The following CR1L variants were observed in gnomAD, a reference collection of about 807,000 sequenced individuals.
The protein encoded by CR1L is complement C3b/C4b receptor 1 like.
Under a neutral mutation model 62.3 loss-of-function variants are expected in CR1L, and 59 were observed. That is an observed-to-expected ratio of 0.95 (90% CI 0.77 to 1.18). CR1L has a LOEUF of 1.18. Ranked by LOEUF, CR1L falls within the 50% of genes most tolerant of loss-of-function variation. The pLI, the probability that CR1L is intolerant of heterozygous loss-of-function variation, is 0.00. For synonymous variants in CR1L, 279 were observed against 248.7 expected (o/e 1.12, Z -1.15); for missense variants, 700 against 702.8 (o/e 1.00, Z 0.04).
intron 1 of CR1L, among the ~76,000 whole-genome samples, chr1:207,648,451 T>C (rs1663170301): frequency 6.6e-6 from 1 of 152,158 alleles, no homozygotes; most frequent in Non-Finnish European, 1.5e-5. Flanking sequence ...AGAGAATACA[T>C]GAATTAAAAT....
intron 5 of CR1L, among the ~76,000 whole-genome samples, chr1:207,696,652 A>G (rs186116331): frequency 6.6e-6 from 1 of 152,346 alleles, no homozygotes; most frequent in African/African-American, 2.4e-5. Context: ...CCCCCATTTG[A>G]TGCTTGAGAA....
chr1:207,697,810 G>A lies in CR1L; in HGVS notation c.1079G>A (p.Gly360Asp), dbSNP rs116210807. 546 of 1,613,880 alleles carry A rather than the reference G, an allele frequency of 3.4e-4. 3 individuals are homozygous for A. In the African/African-American group the frequency reaches 6.4e-3, roughly 19 times the overall value. The change falls in exon 7 of 12, where the codon GGC becomes GAC. Residue 360 changes from glycine to aspartate, a missense_variant. Physicochemically the swap from Gly to Asp is moderately conservative, Grantham distance 94. Transcript: ENST00000508064. ...CDDFLGQLPNGHVLFPLNLQL... is the reference protein window; with the variant it reads ...CDDFLGQLPNDHVLFPLNLQL... ...GACTTCCTGGGCCAACTTCCTAATG[G>A]CCATGTGCTATTTCCACTTAATCTC...
chr1:207,648,117 G>A (rs780632507), intron 1 of CR1L, among the ~76,000 whole-genome samples: 2 of 150,622 alleles, frequency 1.3e-5, no homozygotes, highest in African/African-American at 4.9e-5. Flanking sequence ...AGGCTGCAGT[G>A]AGCCCTAATC....
intron 1 of CR1L, among the ~76,000 whole-genome samples, chr1:207,673,731 C>T (rs1424870205): frequency 6.6e-6 from 1 of 152,306 alleles, no homozygotes; most frequent in South Asian, 2.1e-4. Context: ...GGTAAAATTA[C>T]AACATAACTT....
intron 1 of CR1L, among the ~76,000 whole-genome samples, chr1:207,652,192 T>C (rs755550380): frequency 3.9e-5 from 6 of 152,248 alleles, no homozygotes; most frequent in Non-Finnish European, 8.8e-5. Flanking sequence ...CAGAGTGCTC[T>C]ATACTGTAGA....
intron 5 of CR1L, among the ~76,000 whole-genome samples, chr1:207,696,262 C>T (rs1664100155): frequency 6.6e-6 from 1 of 152,206 alleles, no homozygotes; most frequent in African/African-American, 2.4e-5. Flanking sequence ...ATTGGCATCG[C>T]TAGAATTGAA....
intron 10 of CR1L, among the ~76,000 whole-genome samples, chr1:207,715,649 G>A (rs2102482488): frequency 6.6e-6 from 1 of 152,236 alleles, no homozygotes; most frequent in South Asian, 2.1e-4. Flanking sequence ...ACATAAAAGT[G>A]CAGCACATTT....
chr1:207,695,001 T>G (rs1044417919), intron 5 of CR1L, among the ~76,000 whole-genome samples: 3 of 152,234 alleles, frequency 2.0e-5, no homozygotes, highest in African/African-American at 7.2e-5. Flanking sequence ...ATTAATTACC[T>G]TTGAGTATAA....
chr1:207,666,880 T>TG (rs1663532504), intron 1 of CR1L, among the ~76,000 whole-genome samples: 1 of 152,198 alleles, frequency 6.6e-6, no homozygotes, highest in Non-Finnish European at 1.5e-5. Context: ...TGCATGGATA[T>TG]GGATCATGTA....
intron 11 of CR1L, 45 bp from the exon 12 acceptor site, chr1:207,723,573 T>A (rs199582221): frequency 6.1e-5 from 89 of 1,469,526 alleles, no homozygotes; most frequent in Non-Finnish European, 8.2e-5. Context: ...TTCAATCATG[T>A]TGCATGCCAG....
intron 10 of CR1L, chr1:207,715,379 A>C: frequency 1.3e-6 from 2 of 1,591,848 alleles, no homozygotes; most frequent in Non-Finnish European, 1.7e-6. Context: ...TTGGAATAGC[A>C]GTGTTCCAGT....
At chr1:207,665,105 G>T (rs961961987) in intron 1 of CR1L, among the ~76,000 whole-genome samples, 1 of 152,168 alleles carries the variant, frequency 6.6e-6, no homozygotes, top group African/African-American at 2.4e-5. Flanking sequence ...CCAGGCTGGA[G>T]TGCAGTGGCA....
At chr1:207,686,471 G>A (rs1191091621) in intron 4 of CR1L, among the ~76,000 whole-genome samples, 7 of 151,814 alleles carry the variant, frequency 4.6e-5, no homozygotes, top group Non-Finnish European at 7.4e-5. Context: ...TATATGTATC[G>A]ATGTAATCAT....
chr1:207,678,998 T>C (rs1171508848), intron 3 of CR1L, among the ~76,000 whole-genome samples: 2 of 39,478 alleles, frequency 5.1e-5, no homozygotes, highest in African/African-American at 2.5e-4. Flanking sequence ...CCAAAGTTCT[T>C]TTTTTTTTTT....
At chr1:207,647,591 C>A (rs760801952) in intron 1 of CR1L, among the ~76,000 whole-genome samples, 8 of 152,186 alleles carry the variant, frequency 5.3e-5, no homozygotes, top group Admixed American at 2.0e-4. Context: ...AACTCAGTAT[C>A]CATATAGACA....
intron 5 of CR1L, among the ~76,000 whole-genome samples, chr1:207,695,319 C>A (rs1383387652): frequency 6.6e-6 from 1 of 151,964 alleles, no homozygotes; most frequent in African/African-American, 2.4e-5. Context: ...TTATAGAGAT[C>A]GAATCTCACC....
chr1:207,694,159 T>TATAGGAAATCA, intron 4 of CR1L, among the ~76,000 whole-genome samples, 194 bp from the exon 5 acceptor site: 1 of 152,178 alleles, frequency 6.6e-6, no homozygotes, highest in Non-Finnish European at 1.5e-5. Flanking sequence ...CATGCAAATA[T>TATAGGAAATCA]TATAGGAAAT....
chr1:207,672,348 G>T (rs1208167013), intron 1 of CR1L, among the ~76,000 whole-genome samples: 2 of 150,292 alleles, frequency 1.3e-5, no homozygotes, highest in East Asian at 3.9e-4. Flanking sequence ...TATCTAATAT[G>T]TATCCATCTG....
At chr1:207,710,041 A>G (rs1664328540) in intron 10 of CR1L, among the ~76,000 whole-genome samples, 2 of 152,134 alleles carry the variant, frequency 1.3e-5, no homozygotes, top group Non-Finnish European at 1.5e-5. Context: ...AATTTACAAT[A>G]AAGTATAATT....
Sources: allele counts gnomAD v4.1 joint callset (sites outside exome capture counted in the v4.1 genomes callset), GRCh38; gene constraint gnomAD v4.1.1; transcripts MANE v1.5; gene names NCBI Gene and HGNC (gene_info 2026-07-23, HGNC 2026-07-21).